The following PPEF1 variants were observed in gnomAD, a reference collection of about 807,000 sequenced individuals.
PPEF1 encodes the protein serine/threonine-protein phosphatase with EF-hands 1.
A neutral mutation model predicts 53.3 loss-of-function variants in PPEF1; 12 were observed. That is an observed-to-expected ratio of 0.23 (90% CI 0.14 to 0.36). PPEF1 has a LOEUF of 0.36. Among genes scored for constraint, PPEF1 ranks in the 10% least tolerant of loss-of-function variants. The pLI is 1.00. For missense variants in PPEF1, 334 were observed against 490.4 expected (o/e 0.68, Z 3.01); for synonymous variants, 165 against 176.7 (o/e 0.93, Z 0.52).
intron 6 of PPEF1, among the ~76,000 whole-genome samples, chrX:18,763,885 G>A (rs1461110617): frequency 2.7e-5 from 3 of 110,726 alleles, no homozygotes; most frequent in Admixed American, 9.6e-5. Context: ...GTCAGGAGGT[G>A]TCCCAAGTAG....
At chrX:18,822,353 C>CAA (rs397895822) in intron 13 of PPEF1, among the ~76,000 whole-genome samples, 4 of 59,711 alleles carry the variant, frequency 6.7e-5, no homozygotes, top group African/African-American at 2.2e-4. Flanking sequence ...ACAAAATGTG[C>CAA]AAAAAAAAAA....
chrX:18,738,471 G>A (rs1302419494), intron 3 of PPEF1, among the ~76,000 whole-genome samples: 1 of 111,977 alleles, frequency 8.9e-6, no homozygotes, highest in Non-Finnish European at 1.9e-5. Flanking sequence ...CTTCTGGCTT[G>A]TAGAGTTTCT....
intron 10 of PPEF1, among the ~76,000 whole-genome samples, chrX:18,802,783 T>A (rs987620585): frequency 1.8e-5 from 2 of 111,401 alleles, no homozygotes; most frequent in African/African-American, 6.5e-5. Flanking sequence ...GAAGTTCTTT[T>A]AAGAGAAAAG....
chrX:18,776,478 C>A (rs1014798825), intron 6 of PPEF1, among the ~76,000 whole-genome samples: 8 of 111,264 alleles, frequency 7.2e-5, no homozygotes, highest in African/African-American at 2.6e-4. Flanking sequence ...CTCAAGCGAT[C>A]CGTCCACCTC....
At chrX:18,823,429 A>G (rs1205522400) in intron 13 of PPEF1, among the ~76,000 whole-genome samples, 1 of 110,067 alleles carries the variant, frequency 9.1e-6, no homozygotes, top group Non-Finnish European at 1.9e-5. Context: ...GTTCAAGACC[A>G]GCCTGGCCAA....
At chrX:18,814,591 C>T (rs1196245733) in intron 12 of PPEF1, among the ~76,000 whole-genome samples, 6 of 111,795 alleles carry the variant, frequency 5.4e-5, no homozygotes, top group African/African-American at 1.9e-4. Flanking sequence ...CTCTGAGGTT[C>T]AGTGATGTTG....
intron 9 of PPEF1, among the ~76,000 whole-genome samples, chrX:18,787,685 C>T (rs1191104852): frequency 5.8e-5 from 6 of 104,260 alleles, no homozygotes; most frequent in Admixed American, 1.1e-4. Flanking sequence ...ATTGGGAGGC[C>T]GAAGTGAGAC....
At chrX:18,729,197 G>A (rs780013037) in intron 1 of PPEF1, among the ~76,000 whole-genome samples, 1 of 111,893 alleles carries the variant, frequency 8.9e-6, no homozygotes, top group East Asian at 2.8e-4. Flanking sequence ...CTGTGAGGGA[G>A]GGGGTGTGTT....
At chrX:18,694,251 C>T (rs965422088) in intron 4 of PPEF1, among the ~76,000 whole-genome samples, 2 of 111,882 alleles carry the variant, frequency 1.8e-5, no homozygotes, top group African/African-American at 6.5e-5. Context: ...AACCTGCATA[C>T]ACGTTTTTGC....
At chrX:18,676,298 T>C (rs746550522) in intron 1 of PPEF1, among the ~76,000 whole-genome samples, 1 of 111,433 alleles carries the variant, frequency 9.0e-6, no homozygotes, top group South Asian at 3.8e-4. Context: ...CTCAATGTTA[T>C]GCCCATCTTC....
intron 6 of PPEF1, among the ~76,000 whole-genome samples, chrX:18,771,571 C>T (rs369849692): frequency 4.5e-5 from 5 of 110,920 alleles, no homozygotes; most frequent in African/African-American, 6.6e-5. Flanking sequence ...AAGTCAAGTA[C>T]GAGACTGATT....
intron 9 of PPEF1, 31 bp from the exon 10 acceptor site, chrX:18,789,090 G>A: frequency 8.3e-7 from 1 of 1,203,689 alleles, no homozygotes; most frequent in African/African-American, 1.7e-5. Flanking sequence ...ATAAGCAGAG[G>A]GTTGGACTAA....
intron 1 of PPEF1, among the ~76,000 whole-genome samples, chrX:18,722,143 T>C (rs923328724): frequency 4.4e-5 from 5 of 112,487 alleles, no homozygotes; most frequent in African/African-American, 6.4e-5. Context: ...ATGGCAGATA[T>C]AGAAAATCTG....
At chrX:18,795,735 T>A (rs1197253047) in intron 10 of PPEF1, among the ~76,000 whole-genome samples, 1 of 112,152 alleles carries the variant, frequency 8.9e-6, no homozygotes, top group Non-Finnish European at 1.9e-5. Flanking sequence ...CATTATCTCA[T>A]TAAATCCTTA....
At chrX:18,794,672 G>C (rs985548280) in intron 10 of PPEF1, among the ~76,000 whole-genome samples, 1 of 112,732 alleles carries the variant, frequency 8.9e-6, no homozygotes, top group Non-Finnish European at 1.9e-5. Flanking sequence ...CCCAATGAGC[G>C]GGAGAAGTGA....
At chrX:18,720,318 G>A (rs765876582) in intron 1 of PPEF1, among the ~76,000 whole-genome samples, 6 of 111,739 alleles carry the variant, frequency 5.4e-5, no homozygotes, top group Non-Finnish European at 1.1e-4. Context: ...TCAGCCGGGC[G>A]CAGTGGCTCA....
At position 18,693,087 on chromosome X, in the gene PPEF1, C is replaced by T. The variant is rs893944821; in HGVS notation, c.-313+1993C>T. On this transcript the variant is annotated intron_variant, in intron 4 of 21. Coordinates refer to the PPEF1 transcript ENST00000361511. ...GCTTCTCTTGGAAAATTACATCAGG[C>T]AACACTGGGCTGCGATTTCTGGATA... is the stretch of plus-strand genomic sequence containing the variant. Among the ~76,000 whole-genome samples the T allele has an allele frequency of 5.4e-5, 6 of 112,082 alleles. 1 individual carries two copies. Among genetic ancestry groups the T allele is most frequent in the East Asian group, 2.8e-4 (1 of 3,597 alleles).
intron 1 of PPEF1, among the ~76,000 whole-genome samples, chrX:18,729,307 G>T (rs1202017686): frequency 1.8e-5 from 2 of 111,814 alleles, no homozygotes; most frequent in Non-Finnish European, 3.8e-5. Context: ...TCATTGGTCT[G>T]TGCAAGACCC....
At chrX:18,803,506 G>A (rs780003905) in intron 10 of PPEF1, among the ~76,000 whole-genome samples, 1 of 112,694 alleles carries the variant, frequency 8.9e-6, no homozygotes, top group African/African-American at 3.2e-5. Context: ...ACCCAGGCTG[G>A]AGTGCAGTGG....
Sources: gnomAD v4.1 joint callset for allele counts (sites outside exome capture counted in the v4.1 genomes callset) on GRCh38, gnomAD v4.1.1 for gene constraint, MANE v1.5 for transcripts, NCBI Gene and HGNC (gene_info 2026-07-23, HGNC 2026-07-21) for gene names.